Variants in DLG2 observed in about 807,000 individuals in gnomAD.
DLG2 encodes the protein discs large MAGUK scaffold protein 2, also known as disks large homolog 2.
In DLG2, 45 loss-of-function variants were observed where a neutral mutation model predicts 132.5. That is an observed-to-expected ratio of 0.34 (90% CI 0.27 to 0.44). The LOEUF is 0.44. Among genes scored for constraint, DLG2 ranks in the 20% least tolerant of loss-of-function variants. The probability of loss-of-function intolerance (pLI) is 1.00; values close to 1 mark genes in which losing one functional copy is unlikely to be tolerated. For synonymous variants in DLG2, 424 were observed against 419.6 expected (o/e 1.01, Z -0.13); for missense variants, 1,045 against 1,196.9 (o/e 0.87, Z 1.87).
At chr11:85,201,293 C>T (rs1483123436) in intron 4 of DLG2, among the ~76,000 whole-genome samples, 1 of 152,190 alleles carries the variant, frequency 6.6e-6, no homozygotes, top group Non-Finnish European at 1.5e-5. Context: ...ACAGTCTCAC[C>T]AATCTCCTTT....
At chr11:84,993,294 G>A (rs2057320496) in intron 6 of DLG2, among the ~76,000 whole-genome samples, 1 of 152,150 alleles carries the variant, frequency 6.6e-6, no homozygotes, top group Non-Finnish European at 1.5e-5. Context: ...GAGAGTGTTA[G>A]AACACTACCT....
intron 7 of DLG2, among the ~76,000 whole-genome samples, chr11:84,395,912 T>A (rs1054368905): frequency 1.3e-5 from 2 of 152,244 alleles, no homozygotes; most frequent in Non-Finnish European, 2.9e-5. Context: ...GAAGTCCTTG[T>A]TTTGAAAGGT....
intron 18 of DLG2, among the ~76,000 whole-genome samples, chr11:83,717,126 G>A (rs892588748): frequency 8.6e-5 from 13 of 151,944 alleles, no homozygotes; most frequent in Admixed American, 5.9e-4. Flanking sequence ...CTGTCTTTTC[G>A]AGAAAGTACA....
At chr11:84,099,381 T>C (rs2092194468) in intron 9 of DLG2, among the ~76,000 whole-genome samples, 2 of 152,078 alleles carry the variant, frequency 1.3e-5, no homozygotes, top group Admixed American at 6.6e-5. Flanking sequence ...GTGTCAACTG[T>C]AAAAATTATA....
intron 6 of DLG2, among the ~76,000 whole-genome samples, chr11:84,677,218 C>A (rs2099714889): frequency 6.6e-6 from 1 of 152,076 alleles, no homozygotes; most frequent in Non-Finnish European, 1.5e-5. Context: ...ATCTGCCTAA[C>A]TTCCTTTTGA....
chr11:84,267,185 CAAT>C (rs1486542901), intron 7 of DLG2, among the ~76,000 whole-genome samples: 1 of 151,978 alleles, frequency 6.6e-6, no homozygotes, highest in Non-Finnish European at 1.5e-5. Context: ...TAGATAATAA[CAAT>C]GATCCATTTC....
chr11:83,459,300 T>G lies in DLG2; in HGVS notation c.*518A>C, dbSNP rs2089456503. ...AAAAAACTACACACTTATCCTTCCCTGATAGTATGTCATCTCCAAAGGGAT... is the reference window on the plus strand; with the variant it reads ...AAAAAACTACACACTTATCCTTCCCGGATAGTATGTCATCTCCAAAGGGAT... On this transcript the variant is annotated 3_prime_UTR_variant, in exon 28 of 28. Transcript: ENST00000376104. 1 of 152,866 alleles carries G rather than the reference T, an allele frequency of 6.5e-6. No individual in the cohort carries two copies. Among genetic ancestry groups the G allele is most frequent in the Non-Finnish European group, 1.5e-5 (1 of 68,198 alleles). The allele number at this position is 152,866 out of a possible 1,614,324, so 9.5% of individuals were successfully genotyped here.
At chr11:85,557,241 T>C (rs372300481) in intron 3 of DLG2, among the ~76,000 whole-genome samples, 1 of 151,608 alleles carries the variant, frequency 6.6e-6, no homozygotes, top group East Asian at 1.9e-4. Context: ...TAAGACTACA[T>C]CTAACCAAGG....
At chr11:83,895,407 G>T (rs190307280) in intron 15 of DLG2, among the ~76,000 whole-genome samples, 387 of 152,178 alleles carry the variant, frequency 2.5e-3, no homozygotes, top group Middle Eastern at 0.01. Context: ...TGATCCGCCC[G>T]CCTCGGCTTT....
intron 15 of DLG2, among the ~76,000 whole-genome samples, chr11:83,877,159 CCA>C (rs2064980939): frequency 6.6e-6 from 1 of 151,958 alleles, no homozygotes; most frequent in Non-Finnish European, 1.5e-5. Context: ...ACTAGTTTCC[CCA>C]CAGTCTTAAA....
intron 18 of DLG2, chr11:83,646,472 A>T (rs1401965114): frequency 1.3e-5 from 2 of 152,184 alleles, no homozygotes; most frequent in Non-Finnish European, 2.9e-5. Flanking sequence ...TCCCCTTCAC[A>T]TCCTTCAGCT....
chr11:84,149,355 T>TA (rs776166716), intron 9 of DLG2, among the ~76,000 whole-genome samples: 1 of 152,186 alleles, frequency 6.6e-6, no homozygotes, highest in Non-Finnish European at 1.5e-5. Flanking sequence ...TTTGAGGTCT[T>TA]ATATTTAAGT....
At chr11:84,528,218 T>C (rs1284397311) in intron 7 of DLG2, among the ~76,000 whole-genome samples, 1 of 152,172 alleles carries the variant, frequency 6.6e-6, no homozygotes, top group Non-Finnish European at 1.5e-5. Flanking sequence ...ATTTCTTTTA[T>C]GAAAGATTCT....
chr11:84,196,963 G>A (rs1374112100), intron 8 of DLG2, among the ~76,000 whole-genome samples: 2 of 144,872 alleles, frequency 1.4e-5, no homozygotes, highest in Admixed American at 1.5e-4. Context: ...CTTGAACCCA[G>A]GAGGCAGAGG....
chr11:84,404,605 A>G lies in DLG2; in HGVS notation c.519+129965T>C, dbSNP rs185229818. On this transcript the variant is annotated intron_variant, in intron 7 of 27. Transcript: ENST00000376104. Reference sequence around the variant, plus strand: ...TAATTTAAATATAAGTAGAATATATACTAGATATCTATGTACAGGATGATT... The same window carrying G: ...TAATTTAAATATAAGTAGAATATATGCTAGATATCTATGTACAGGATGATT... Among the ~76,000 whole-genome samples the G allele has an allele frequency of 5.3e-5, 8 of 152,310 alleles. No individual in the cohort carries two copies. The East Asian group carries it at 1.4e-3, about 26-fold the overall frequency.
chr11:84,842,731 C>T (rs1226310746), intron 6 of DLG2, among the ~76,000 whole-genome samples: 1 of 151,648 alleles, frequency 6.6e-6, no homozygotes, highest in Non-Finnish European at 1.5e-5. Context: ...AGAGAAATAT[C>T]TAGTATACCA....
At chr11:84,295,556 G>C (rs1280638692) in intron 7 of DLG2, among the ~76,000 whole-genome samples, 1 of 152,132 alleles carries the variant, frequency 6.6e-6, no homozygotes, top group Non-Finnish European at 1.5e-5. Context: ...AATCGGAGCT[G>C]ACACAGTGAA....
intron 8 of DLG2, among the ~76,000 whole-genome samples, chr11:84,217,376 T>C (rs2096850323): frequency 6.6e-6 from 1 of 152,190 alleles, no homozygotes; most frequent in South Asian, 2.1e-4. Flanking sequence ...TTAGATCTGA[T>C]GGCTTTATAA....
At chr11:83,918,725 C>T (rs559457746) in intron 15 of DLG2, among the ~76,000 whole-genome samples, 1 of 151,834 alleles carries the variant, frequency 6.6e-6, no homozygotes, top group Non-Finnish European at 1.5e-5. Flanking sequence ...GGAAAGAGGC[C>T]TCAGCTGACC....
Sources: allele counts gnomAD v4.1 joint callset (sites outside exome capture counted in the v4.1 genomes callset), GRCh38; gene constraint gnomAD v4.1.1; transcripts MANE v1.5; gene names NCBI Gene and HGNC (gene_info 2026-07-23, HGNC 2026-07-21).